Variants in ABLIM2 observed in about 807,000 individuals in gnomAD.
ABLIM2 encodes the protein actin binding LIM protein family member 2, also known as actin-binding LIM protein 2.
Under a neutral mutation model 97.7 loss-of-function variants are expected in ABLIM2, and 53 were observed. That is an observed-to-expected ratio of 0.54 (90% CI 0.44 to 0.68). ABLIM2 has a LOEUF of 0.68. Ranked by LOEUF, ABLIM2 falls within the 30% of genes least tolerant of loss-of-function variation. The pLI, the probability that ABLIM2 is intolerant of heterozygous loss-of-function variation, is 0.00. For missense variants in ABLIM2, 835 were observed against 867.2 expected, an observed-to-expected ratio of 0.96 and a Z score of 0.47; for synonymous variants, 361 against 345.8, an observed-to-expected ratio of 1.04 and a Z score of -0.49.
In ABLIM2 at chr4:8,098,518, G is replaced by T. The variant is rs116065353; in HGVS notation, c.155-1236C>A. ...ACAGAGCTCTGGGAACAAACTGGCT[G>T]GAAGCACCAGAGTGGCTGGAACGCC... On this transcript the variant is annotated intron_variant, in intron 2 of 20. Coordinates refer to ENST00000447017, the MANE Select transcript of ABLIM2 (RefSeq NM_001130083.2). 2.6e-5 allele frequency among the ~76,000 whole-genome samples: 4 copies of T among 152,186 alleles called. 1 individual carries two copies. Among genetic ancestry groups the T allele is most frequent in the African/African-American group, 9.7e-5 (4 of 41,444 alleles).
chr4:8,066,073 G>A (rs1248423609), intron 6 of ABLIM2, among the ~76,000 whole-genome samples: 4 of 150,744 alleles, frequency 2.7e-5, no homozygotes, highest in East Asian at 2.0e-4. Flanking sequence ...AGGCTGAGGC[G>A]GGCGGATCAT....
chr4:8,117,781 T>G (rs750914166), intron 1 of ABLIM2, among the ~76,000 whole-genome samples: 2 of 152,128 alleles, frequency 1.3e-5, no homozygotes, highest in Admixed American at 6.5e-5. Flanking sequence ...CCGCTTACTC[T>G]AAATTCAAGC....
In ABLIM2 at chr4:8,061,177, G is replaced by GC. The variant is rs2152116043; in HGVS notation, c.676-124dup. On this transcript the variant is annotated intron_variant, in intron 6 of 20. Transcript: ENST00000447017. The surrounding 1 kb of genome is among the most constrained non-coding windows in gnomAD (Gnocchi z 4.5). ...TACTCAGGGGATACTGGAAGGGCCA[G>GC]CCCCCACCATCGGGACCCAAGACCC... is the stretch of plus-strand genomic sequence containing the variant. 3.6e-6 allele frequency: 3 copies of GC among 830,798 alleles called. No individual in the cohort carries two copies. Among genetic ancestry groups the GC allele is most frequent in the East Asian group, 5.8e-5 (2 of 34,446 alleles). 51.5% of individuals were successfully genotyped at this position (830,798 alleles called of 1,614,324 possible).
rs778346750 is a variant in ABLIM2, at chr4:8,061,142, T to C, written c.676-88A>G. ...CGCCCGGCATGGATACAGCATGCCC[T>C]GAGCACAGGTACTCAGGGGATACTG... On this transcript the variant is annotated intron_variant, in intron 6 of 20. Transcript: ENST00000447017. This position sits in a 1 kb window ranked among gnomAD's most constrained non-coding sequence, Gnocchi z 4.5. 78 of 1,143,288 alleles carry C rather than the reference T, an allele frequency of 6.8e-5. No homozygotes were observed. Among genetic ancestry groups the C allele is most frequent in the Non-Finnish European group, 9.4e-5 (74 of 784,990 alleles). The allele number at this position is 1,143,288 out of a possible 1,614,324, so 70.8% of individuals were successfully genotyped here.
In ABLIM2 at chr4:8,155,586, T is replaced by C. The variant is rs558744883; in HGVS notation, c.10+3094A>G. ...CGCACCCCTGTTATGGACTGAATTGTCTAAATTCATATGCTGAAGTCCTAA... is the reference window on the plus strand; with the variant it reads ...CGCACCCCTGTTATGGACTGAATTGCCTAAATTCATATGCTGAAGTCCTAA... On this transcript the variant is annotated intron_variant, in intron 1 of 20. Coordinates refer to ENST00000447017, the MANE Select transcript of ABLIM2 (RefSeq NM_001130083.2). This position sits in a 1 kb window ranked among gnomAD's most constrained non-coding sequence, Gnocchi z 4.2. 6.6e-6 allele frequency among the ~76,000 whole-genome samples: 1 copy of C among 152,228 alleles called. No homozygotes were observed. The highest frequency in any genetic ancestry group is 1.9e-4 in the East Asian group (1 of 5,176).
chr4:8,149,673 T>C lies in ABLIM2; in HGVS notation c.10+9007A>G, dbSNP rs913873240. On this transcript the variant is annotated intron_variant, in intron 1 of 20. Transcript: ENST00000447017. This position sits in a 1 kb window ranked among gnomAD's most constrained non-coding sequence, Gnocchi z 6.4. ...GGGGGATCAGGGCAAAGACAGCACATAGTAGGTGCTTAATAAATAGTCGTG... is the reference window on the plus strand; with the variant it reads ...GGGGGATCAGGGCAAAGACAGCACACAGTAGGTGCTTAATAAATAGTCGTG... Among the ~76,000 whole-genome samples the C allele has an allele frequency of 5.3e-5, 8 of 151,644 alleles. No individual in the cohort carries two copies. The highest frequency in any genetic ancestry group is 1.9e-4 in the African/African-American group (8 of 41,248).
chr4:7,981,828 A>C (rs996443276), intron 20 of ABLIM2, among the ~76,000 whole-genome samples: 5 of 152,198 alleles, frequency 3.3e-5, no homozygotes, highest in African/African-American at 1.2e-4. Context: ...CAGAAACCAC[A>C]GCTCAAGAGC....
chr4:8,105,817 T>A (rs1330670918), intron 2 of ABLIM2, among the ~76,000 whole-genome samples: 1 of 152,244 alleles, frequency 6.6e-6, no homozygotes, highest in African/African-American at 2.4e-5. Context: ...TTTTAATCTA[T>A]TTTTAGAAAA....
chr4:8,100,811 A>T (rs909646114), intron 2 of ABLIM2, among the ~76,000 whole-genome samples: 2 of 151,162 alleles, frequency 1.3e-5, no homozygotes, highest in Non-Finnish European at 2.9e-5. Context: ...TGATTAGCCC[A>T]GTGTCTGCCT....
At chr4:8,045,829 G>A (rs1792012497) in intron 8 of ABLIM2, among the ~76,000 whole-genome samples, 1 of 152,120 alleles carries the variant, frequency 6.6e-6, no homozygotes, top group Non-Finnish European at 1.5e-5. Context: ...ATGCTCAGAG[G>A]CGTCATTTTC....
chr4:8,065,730 C>T (rs911854612), intron 6 of ABLIM2, among the ~76,000 whole-genome samples: 1 of 151,852 alleles, frequency 6.6e-6, no homozygotes, highest in Admixed American at 6.6e-5. Flanking sequence ...TTGAGACCAG[C>T]TTGACCAACA....
At position 8,045,331 on chromosome 4, in the gene ABLIM2, C is replaced by T. The variant is rs562803157; in HGVS notation, c.823-90G>A. On this transcript the variant is annotated intron_variant, in intron 8 of 20. Transcript: ENST00000447017. ...GTCAGGAGTTCCACTCCAGCAGCCA[C>T]GCCAGCGCACTGCGGTGTTTCTTTA... 1.3e-4 allele frequency: 145 copies of T among 1,155,590 alleles called. 1 individual carries two copies. Among genetic ancestry groups the T allele is most frequent in the East Asian group, 4.0e-4 (17 of 42,760 alleles). The allele number at this position is 1,155,590 out of a possible 1,614,324, so 71.6% of individuals were successfully genotyped here.
intron 10 of ABLIM2, among the ~76,000 whole-genome samples, chr4:8,030,630 T>C (rs2151236457): frequency 6.6e-6 from 1 of 152,308 alleles, no homozygotes; most frequent in Non-Finnish European, 1.5e-5. Flanking sequence ...GCTAGGTTCC[T>C]ACCTGCGCTT....
chr4:7,987,928 T>G lies in ABLIM2; in HGVS notation c.1681-3035A>C, dbSNP rs1321389787. 2.0e-5 allele frequency among the ~76,000 whole-genome samples: 3 copies of G among 152,200 alleles called. No individual in the cohort carries two copies. In the East Asian group the frequency reaches 5.8e-4, roughly 29 times the overall value. ...AGGGCACCACAAAGACAGCACTGCC[T>G]GGCATATTCCTGGCTGACTCCCCTA... On this transcript the variant is annotated intron_variant, in intron 17 of 20. Transcript: ENST00000447017.
At chr4:8,066,359 A>C (rs1580331460) in intron 6 of ABLIM2, among the ~76,000 whole-genome samples, 1 of 68,118 alleles carries the variant, frequency 1.5e-5, no homozygotes, top group South Asian at 6.7e-4. Context: ...GGAGGGAGGG[A>C]GGGAAGGAAG....
chr4:8,062,199 A>G (rs74598222), intron 6 of ABLIM2, among the ~76,000 whole-genome samples: 2,328 of 152,104 alleles, frequency 0.015, 62 homozygotes, highest in African/African-American at 0.053. Context: ...CCCTTCCCCA[A>G]TCTGGGCATT....
intron 2 of ABLIM2, among the ~76,000 whole-genome samples, chr4:8,099,716 G>A (rs1833525511): frequency 6.6e-6 from 1 of 152,106 alleles, no homozygotes; most frequent in African/African-American, 2.4e-5. Flanking sequence ...GTGGTGGCGG[G>A]CGCCTGTAGT....
In ABLIM2 at chr4:8,125,736, C is replaced by T. The variant is rs555090407; in HGVS notation, c.11-19099G>A. ...CTCAGCTGAGCTGGAGAGGCCCGCC[C>T]AGCCTCTGCCATGGAAACTCCATCT... is the stretch of plus-strand genomic sequence containing the variant. On this transcript the variant is annotated intron_variant, in intron 1 of 20. Coordinates refer to ENST00000447017, the MANE Select transcript of ABLIM2 (RefSeq NM_001130083.2). The surrounding 1 kb of genome is among the most constrained non-coding windows in gnomAD (Gnocchi z 6.2). Among the ~76,000 whole-genome samples the T allele has an allele frequency of 3.3e-5, 5 of 152,330 alleles. No homozygotes were observed. Among genetic ancestry groups the T allele is most frequent in the African/African-American group, 1.2e-4 (5 of 41,580 alleles).
rs1289166339 is a variant in ABLIM2 at position 8,066,137 on chromosome 4, T to C, written c.676-5083A>G. On this transcript the variant is annotated intron_variant, in intron 6 of 20. Transcript: ENST00000447017. ...TAACACGGTGAAACCCTGTCTCTACTAAAAAAAAATTACAAAAAATTAGCT... is the reference window on the plus strand; with the variant it reads ...TAACACGGTGAAACCCTGTCTCTACCAAAAAAAAATTACAAAAAATTAGCT... 7.5e-5 allele frequency among the ~76,000 whole-genome samples: 11 copies of C among 146,760 alleles called. No homozygotes were observed. The East Asian group carries it at 2.3e-3, about 30-fold the overall frequency.
Sources: gnomAD v4.1 joint callset for allele counts (sites outside exome capture counted in the v4.1 genomes callset) on GRCh38, gnomAD v4.1.1 for gene constraint, Gnocchi (gnomAD v3.1) non-coding constraint, MANE v1.5 for transcripts, NCBI Gene and HGNC (gene_info 2026-07-23, HGNC 2026-07-21) for gene names.